Variants in DNM3 observed in about 807,000 individuals in gnomAD.
DNM3 encodes the protein dynamin 3, also known as dynamin-3.
A neutral mutation model predicts 101.6 loss-of-function variants in DNM3; 47 were observed. That is an observed-to-expected ratio of 0.46 (90% confidence interval 0.37 to 0.59). The LOEUF (loss-of-function observed/expected upper bound fraction) is 0.59. DNM3 is among the 20% of genes least tolerant of loss of function. DNM3 has a pLI of 0.00. For synonymous variants in DNM3, 385 were observed against 387.9 expected, an observed-to-expected ratio of 0.99 and a Z score of 0.09; for missense variants, 849 against 1,085.7, an observed-to-expected ratio of 0.78 and a Z score of 3.06.
At chr1:172,412,900 T>C (rs182674345), downstream of DNM3, among the ~76,000 whole-genome samples, 1 of 152,302 alleles carries the variant, frequency 6.6e-6, no homozygotes, top group East Asian at 1.9e-4. Flanking sequence ...AGGGAACAAA[T>C]TGGATAAATC....
chr1:172,239,798 C>CTTTTTTTT lies in DNM3; in HGVS notation c.1660-13774_1660-13773insTTTTTTTT, dbSNP rs369238528. On this transcript the variant is annotated intron_variant, in intron 14 of 20. Transcript: ENST00000627582. ...TTTCTCCAGCCCTGTCTTTTTTTTT[C>CTTTTTTTT]TCTTTTTTTTTTTTTTTTTTTTGTA... Among the ~76,000 whole-genome samples, 704 of 106,790 alleles carry CTTTTTTTT rather than the reference C, an allele frequency of 6.6e-3. 44 individuals are homozygous for CTTTTTTTT. The highest frequency in any genetic ancestry group is 7.2e-3 in the Non-Finnish European group (406 of 56,534). 70.1% of individuals were successfully genotyped at this position (106,790 alleles called of 152,430 possible).
intron 14 of DNM3, among the ~76,000 whole-genome samples, chr1:172,185,062 G>A (rs1368239922): frequency 6.6e-6 from 1 of 152,108 alleles, no homozygotes; most frequent in African/African-American, 2.4e-5. Context: ...CATAGGGGCA[G>A]CTCCTCTCAC....
intron 17 of DNM3, among the ~76,000 whole-genome samples, chr1:172,333,357 C>A (rs1473064727): frequency 6.6e-6 from 1 of 152,090 alleles, no homozygotes; most frequent in Non-Finnish European, 1.5e-5. Context: ...GCTAGAAGAC[C>A]AGGTGAGCAT....
chr1:171,982,072 G>C (rs1361774669), intron 2 of DNM3, among the ~76,000 whole-genome samples: 2 of 152,160 alleles, frequency 1.3e-5, no homozygotes, highest in Admixed American at 1.3e-4. Flanking sequence ...AACATGTCAA[G>C]AGAGCTCATG....
intron 1 of DNM3, among the ~76,000 whole-genome samples, chr1:171,904,847 C>G (rs544900909): frequency 6.6e-6 from 1 of 152,202 alleles, no homozygotes; most frequent in South Asian, 2.1e-4. Flanking sequence ...GGAGGGTAAG[C>G]AGTGAATGCT....
chr1:172,010,431 T>C (rs1412137366), intron 4 of DNM3, among the ~76,000 whole-genome samples: 2 of 151,788 alleles, frequency 1.3e-5, no homozygotes, highest in Non-Finnish European at 2.9e-5. Flanking sequence ...AGTTATTGCC[T>C]TTATTTTTAA....
At chr1:172,104,047 G>T (rs141054679) in intron 13 of DNM3, among the ~76,000 whole-genome samples, 1,527 of 152,236 alleles carry the variant, frequency 0.01, 28 homozygotes, top group African/African-American at 0.035. Flanking sequence ...ACAGACTTTG[G>T]TATCCCTTCT....
chr1:172,223,554 CA>C (rs997945542), intron 14 of DNM3, among the ~76,000 whole-genome samples: 3 of 152,096 alleles, frequency 2.0e-5, no homozygotes, highest in Admixed American at 1.3e-4. Context: ...TTGGATGTCT[CA>C]GATTCCTCAG....
intron 4 of DNM3, among the ~76,000 whole-genome samples, chr1:172,030,923 G>C (rs887458566): frequency 6.6e-6 from 1 of 152,210 alleles, no homozygotes; most frequent in Non-Finnish European, 1.5e-5. Flanking sequence ...AGAGGATGTG[G>C]AGAAATAGGA....
chr1:171,950,158 A>C (rs888203194), intron 2 of DNM3, among the ~76,000 whole-genome samples: 18 of 152,148 alleles, frequency 1.2e-4, no homozygotes, highest in Middle Eastern at 3.2e-3. Context: ...TTATGTGCTC[A>C]GTGGCTGGGG....
chr1:172,203,009 A>T (rs1179267678), intron 14 of DNM3, among the ~76,000 whole-genome samples: 1 of 152,196 alleles, frequency 6.6e-6, no homozygotes, highest in Non-Finnish European at 1.5e-5. Context: ...AAAACAGAAC[A>T]CACCTGAATA....
At chr1:171,992,411 C>T (rs1184884871) in intron 4 of DNM3, among the ~76,000 whole-genome samples, 3 of 151,962 alleles carry the variant, frequency 2.0e-5, no homozygotes, top group African/African-American at 4.8e-5. Context: ...GTTGTTATAG[C>T]GTAAGGAAAA....
At chr1:172,283,242 G>A (rs958781274) in intron 15 of DNM3, among the ~76,000 whole-genome samples, 2 of 152,062 alleles carry the variant, frequency 1.3e-5, no homozygotes, top group Admixed American at 1.3e-4. Context: ...TGGCCTTTTA[G>A]CCTCATCTCT....
At chr1:171,895,465 C>T (rs1013857822) in intron 1 of DNM3, among the ~76,000 whole-genome samples, 1 of 152,314 alleles carries the variant, frequency 6.6e-6, no homozygotes, top group South Asian at 2.1e-4. Context: ...ATATCCTTTG[C>T]CCACTTTTTG....
At chr1:172,130,763 C>T (rs1433381381) in intron 13 of DNM3, among the ~76,000 whole-genome samples, 1 of 152,166 alleles carries the variant, frequency 6.6e-6, no homozygotes, top group African/African-American at 2.4e-5. Context: ...GGGCTGCAAA[C>T]TAGGCAAACA....
At chr1:172,200,163 G>A (rs772627999) in intron 14 of DNM3, among the ~76,000 whole-genome samples, 5 of 152,008 alleles carry the variant, frequency 3.3e-5, no homozygotes, top group Non-Finnish European at 5.9e-5. Context: ...CTTCACTTAC[G>A]AAGCTTAGTT....
chr1:172,313,823 T>G (rs942112693), intron 16 of DNM3, among the ~76,000 whole-genome samples: 4 of 152,128 alleles, frequency 2.6e-5, no homozygotes, highest in African/African-American at 9.7e-5. Flanking sequence ...ATACTTTAAG[T>G]TCTAGGATAC....
intron 15 of DNM3, among the ~76,000 whole-genome samples, chr1:172,296,147 C>T (rs958231217): frequency 6.6e-6 from 1 of 152,228 alleles, no homozygotes; most frequent in African/African-American, 2.4e-5. Flanking sequence ...GGAATACCTA[C>T]TAGTGCTGGT....
chr1:172,320,135 A>G (rs1198529890), intron 16 of DNM3, among the ~76,000 whole-genome samples: 13 of 151,394 alleles, frequency 8.6e-5, no homozygotes, highest in Non-Finnish European at 1.8e-4. Flanking sequence ...CGCAAGGACA[A>G]AAACCGAAAC....
Sources: allele counts gnomAD v4.1 joint callset (sites outside exome capture counted in the v4.1 genomes callset), GRCh38; gene constraint gnomAD v4.1.1; transcripts MANE v1.5; gene names NCBI Gene and HGNC (gene_info 2026-07-23, HGNC 2026-07-21).